GALP: variants seen among roughly 807,000 people sequenced by gnomAD.
GALP encodes galanin like peptide.
A neutral mutation model predicts 15.2 loss-of-function variants in GALP; 12 were observed. The ratio of observed to expected loss-of-function variants is 0.79; its 90% CI spans 0.51 to 1.28. GALP has a LOEUF of 1.28. Among genes scored for constraint, GALP ranks in the 50% most tolerant of loss-of-function variants. The pLI is 0.00. For missense variants in GALP, 161 were observed against 145.6 expected (o/e 1.11, Z -0.55); for synonymous variants, 58 against 55.1 (o/e 1.05, Z -0.23).
intron 5 of GALP, among the ~76,000 whole-genome samples, chr19:56,183,674 T>C (rs983399765): frequency 6.6e-5 from 10 of 152,196 alleles, no homozygotes; most frequent in African/African-American, 1.2e-4. Flanking sequence ...CTTGGCTGAC[T>C]GCAACCTCCA....
chr19:56,176,559 C>G (rs1302130179), intron 1 of GALP, among the ~76,000 whole-genome samples: 1 of 128,628 alleles, frequency 7.8e-6, no homozygotes. Flanking sequence ...CCAGCTGCAG[C>G]GGGGTGAGAG....
chr19:56,178,814 G>T (rs2122159732), intron 2 of GALP, among the ~76,000 whole-genome samples: 1 of 152,248 alleles, frequency 6.6e-6, no homozygotes, highest in South Asian at 2.1e-4. Flanking sequence ...GTTCTATTTT[G>T]CTACTTCCCA....
At chr19:56,183,667 G>A (rs1008408143) in intron 5 of GALP, among the ~76,000 whole-genome samples, 29 of 152,186 alleles carry the variant, frequency 1.9e-4, no homozygotes, top group African/African-American at 5.1e-4. Flanking sequence ...GTGCGATCTT[G>A]GCTGACTGCA....
intron 1 of GALP, 114 bp from the exon 2 acceptor site, chr19:56,176,956 C>G (rs1310033760): frequency 1.7e-6 from 1 of 588,594 alleles, no homozygotes; most frequent in Non-Finnish European, 3.0e-6. Context: ...AAATGTGCGC[C>G]ATTTTTGTAT....
chr19:56,183,162 A>T lies in GALP; in HGVS notation c.245A>T (p.Gln82Leu). ...IDGLPYSHPP[Q>L]PSKRNVMETF... ...GGGCTCCCCTACTCCCACCCTCCAC[A>T]GCCCTCCAAGAGGAATGTGATGGAG... The change falls in exon 5 of 6, where the codon CAG becomes CTG. Residue 82 changes from glutamine to leucine, a missense_variant. Physicochemically the swap from Gln to Leu is moderately radical, Grantham distance 113. Transcript: ENST00000357330. The T allele has an allele frequency of 6.2e-7, 1 of 1,613,844 alleles. No individual in the cohort carries two copies. The highest frequency in any genetic ancestry group is 8.5e-7 in the Non-Finnish European group (1 of 1,179,764).
intron 5 of GALP, among the ~76,000 whole-genome samples, chr19:56,183,727 A>G (rs1488170929): frequency 6.6e-6 from 1 of 152,148 alleles, no homozygotes. Flanking sequence ...CCTCCCGAGT[A>G]GCTGGGATTA....
In GALP at chr19:56,179,457, G is replaced by A. The variant is rs553659565; in HGVS notation, c.88-1129G>A. On this transcript the variant is annotated intron_variant, in intron 2 of 5. Coordinates refer to ENST00000357330, the MANE Select transcript of GALP (RefSeq NM_033106.4). Reference sequence around the variant, plus strand: ...CGAGTAGCTGGGACTACAGGCACCCGCCACCACGCCCGGCTATTATATATA... The same window carrying A: ...CGAGTAGCTGGGACTACAGGCACCCACCACCACGCCCGGCTATTATATATA... Among the ~76,000 whole-genome samples the A allele has an allele frequency of 6.0e-5, 9 of 150,078 alleles. No individual in the cohort carries two copies. In the East Asian group the frequency reaches 1.5e-3, roughly 24 times the overall value.
At chr19:56,182,375 T>G in intron 4 of GALP, 123 bp downstream of exon 4, 1 of 656,578 alleles carries the variant, frequency 1.5e-6, no homozygotes, top group Non-Finnish European at 2.6e-6. Flanking sequence ...TGGGGGGCCC[T>G]GGGCAAGTGA....
At chr19:56,178,521 C>CAACAACA (rs57740707) in intron 2 of GALP, among the ~76,000 whole-genome samples, 8 of 85,772 alleles carry the variant, frequency 9.3e-5, no homozygotes, top group African/African-American at 3.5e-4. Context: ...ACAACAACAA[C>CAACAACA]AAAAAAAAAA....
At chr19:56,178,935 G>A (rs2032513979) in intron 2 of GALP, among the ~76,000 whole-genome samples, 1 of 152,224 alleles carries the variant, frequency 6.6e-6, no homozygotes, top group African/African-American at 2.4e-5. Context: ...AGCACTTTGG[G>A]AGGCCGAGGA....
chr19:56,180,590 G>T lies in GALP; in HGVS notation c.92G>T (p.Arg31Leu). The T allele has an allele frequency of 6.2e-7, 1 of 1,613,744 alleles. No homozygotes were observed. The highest frequency in any genetic ancestry group is 2.2e-5 in the East Asian group (1 of 44,848). Residue 31 changes from arginine (R) to leucine (L), a missense_variant, in exon 3 of 6, where the codon CGA (arginine) becomes CTA (leucine). Physicochemically the swap from Arg to Leu is moderately radical, Grantham distance 102. Coordinates refer to ENST00000357330, the MANE Select transcript of GALP (RefSeq NM_033106.4). ...TPASAPAHRG[R>L]GGWTLNSAGY... ...GATTTCTGCATCTCTATCCAGGGAC[G>T]AGGAGGCTGGACCCTCAATAGTGCT...
chr19:56,178,023 G>A (rs1209620493), intron 2 of GALP, among the ~76,000 whole-genome samples: 1 of 152,086 alleles, frequency 6.6e-6, no homozygotes, highest in Non-Finnish European at 1.5e-5. Flanking sequence ...GTAGATGGAT[G>A]TTAGGTGTTC....
chr19:56,180,469 G>A, intron 2 of GALP, 117 bp from the exon 3 acceptor site: 1 of 818,046 alleles, frequency 1.2e-6, no homozygotes, highest in South Asian at 1.5e-5. Flanking sequence ...GGATTGAAAT[G>A]AACCTGCTCC....
In GALP at chr19:56,182,272, GACGTC is replaced by G. The variant is rs757198597; in HGVS notation, c.217+21_217+25del. 3 of 1,584,384 alleles carry G rather than the reference GACGTC, an allele frequency of 1.9e-6. No individual in the cohort carries two copies. On this transcript the variant is annotated intron_variant, in intron 4 of 5. Coordinates refer to ENST00000357330, the MANE Select transcript of GALP (RefSeq NM_033106.4). Reference sequence around the variant, plus strand: ...CCATCGGTGAGTGAGCGGGGAGTTAGACGTCTTCTCCTGCGTCCTCCCCTGCGGGC... The same window carrying G: ...CCATCGGTGAGTGAGCGGGGAGTTAGTTCTCCTGCGTCCTCCCCTGCGGGC...
Position 56,180,119 on chromosome 19 carries a change from G to A in GALP, c.88-467G>A, listed in dbSNP as rs1322651080. Reference sequence around the variant, plus strand: ...GTAGAGGCGAGATTTCGCCATGTTGGCCAGGCTGGCCTTGAACTCCTGTTC... The same window carrying A: ...GTAGAGGCGAGATTTCGCCATGTTGACCAGGCTGGCCTTGAACTCCTGTTC... On this transcript the variant is annotated intron_variant, in intron 2 of 5. Transcript: ENST00000357330. Among the ~76,000 whole-genome samples, 7 of 152,178 alleles carry A rather than the reference G, an allele frequency of 4.6e-5. No homozygotes were observed. In the East Asian group the frequency reaches 9.6e-4, roughly 21 times the overall value.
At position 56,182,994 on chromosome 19, in the gene GALP, C is replaced by T. The variant is rs186406876; in HGVS notation, c.218-141C>T. On this transcript the variant is annotated intron_variant, in intron 4 of 5. Coordinates refer to ENST00000357330, the MANE Select transcript of GALP (RefSeq NM_033106.4). ...GAGTACCCAGTGGTTATTCTCTCTG[C>T]TCCTCTCCCTCCTCCCCCTGCTCCA... is the stretch of plus-strand genomic sequence containing the variant. 172 of 645,852 alleles carry T rather than the reference C, an allele frequency of 2.7e-4. No homozygotes were observed. In the African/African-American group the frequency reaches 2.7e-3, roughly 10 times the overall value. The allele number at this position is 645,852 out of a possible 1,614,324, so 40.0% of individuals were successfully genotyped here. A position where few individuals can be genotyped will look rare whatever the true frequency, so the allele number is the denominator to read the frequency against.
At chr19:56,180,238 C>T (rs1343652387) in intron 2 of GALP, among the ~76,000 whole-genome samples, 6 of 152,148 alleles carry the variant, frequency 3.9e-5, no homozygotes, top group East Asian at 3.8e-4. Context: ...TGTGCAACAC[C>T]GTATTGCTGG....
intron 2 of GALP, among the ~76,000 whole-genome samples, chr19:56,180,354 C>G (rs2032542809): frequency 6.6e-6 from 1 of 152,206 alleles, no homozygotes; most frequent in African/African-American, 2.4e-5. Flanking sequence ...CCCCCCAGCC[C>G]CCAATAACCA....
At chr19:56,177,233 C>T (rs1568576244) in intron 2 of GALP, 38 bp downstream of exon 2, 1 of 1,524,286 alleles carries the variant, frequency 6.6e-7, no homozygotes. Context: ...CAACAGTGTC[C>T]CCAAATCCCT....
Sources: allele counts gnomAD v4.1 joint callset (sites outside exome capture counted in the v4.1 genomes callset), GRCh38; gene constraint gnomAD v4.1.1; transcripts MANE v1.5; gene names NCBI Gene and HGNC (gene_info 2026-07-23, HGNC 2026-07-21).